The following TENM3 variants were observed in gnomAD, a reference collection of about 807,000 sequenced individuals.
TENM3 encodes the protein teneurin transmembrane protein 3.
TENM3 carries 63 observed loss-of-function variants against 255.1 expected under a neutral mutation model. The observed-to-expected ratio is 0.25, with a 90% CI of 0.20 to 0.30. The LOEUF is 0.30. Ranked by LOEUF, TENM3 falls within the 10% of genes least tolerant of loss-of-function variation. The pLI, the probability that TENM3 is intolerant of heterozygous loss-of-function variation, is 1.00. For missense variants in TENM3, 2,929 were observed against 3,461.1 expected (o/e 0.85, Z 3.86); for synonymous variants, 1,306 against 1,322.3 (o/e 0.99, Z 0.27).
chr4:182,126,266 T>C, the TENM3 span, among the ~76,000 whole-genome samples: 85 of 152,060 alleles, frequency 5.6e-4, no homozygotes, highest in African/African-American at 2.0e-3. Context: ...TGCCCCAAAG[T>C]CAATCGTAGA....
At chr4:182,158,756 T>G (rs866215523) in intron 1 of TENM3, among the ~76,000 whole-genome samples, 6 of 152,096 alleles carry the variant, frequency 3.9e-5, no homozygotes, top group African/African-American at 9.7e-5. Context: ...TTAATACACC[T>G]ATTGTTTGGA....
At chr4:182,720,819 G>A (rs1449598192) in intron 13 of TENM3, among the ~76,000 whole-genome samples, 7 of 143,368 alleles carry the variant, frequency 4.9e-5, no homozygotes, top group Non-Finnish European at 1.1e-4. Context: ...CCAGGCTGGA[G>A]TGCAATAGCA....
upstream of TENM3, among the ~76,000 whole-genome samples, chr4:182,243,032 G>C (rs180920071): frequency 6.6e-6 from 1 of 152,224 alleles, no homozygotes; most frequent in Non-Finnish European, 1.5e-5. Context: ...CGACTATGTG[G>C]TAGAGAGGCT....
chr4:182,420,850 A>G (rs916210378), intron 3 of TENM3, among the ~76,000 whole-genome samples: 2 of 152,218 alleles, frequency 1.3e-5, no homozygotes, highest in East Asian at 3.8e-4. Flanking sequence ...CACTCAGAAG[A>G]CATATCTCCA....
chr4:182,648,875 T>G (rs1401575501), intron 5 of TENM3, among the ~76,000 whole-genome samples: 1 of 152,190 alleles, frequency 6.6e-6, no homozygotes, highest in Non-Finnish European at 1.5e-5. Flanking sequence ...GCTTGTGAGA[T>G]TCATCTATAT....
At position 182,641,672 on chromosome 4, in the gene TENM3, T is replaced by C. The variant is rs1395778151; in HGVS notation, c.989-12099T>C. Reference sequence around the variant, plus strand: ...CCTCCCGAGTAGCTGGGATTACAAGTGTGCTCCACACGCCTGGCTAATTTT... The same window carrying C: ...CCTCCCGAGTAGCTGGGATTACAAGCGTGCTCCACACGCCTGGCTAATTTT... On this transcript the variant is annotated intron_variant, in intron 5 of 27. Transcript: ENST00000511685. 2.6e-5 allele frequency among the ~76,000 whole-genome samples: 4 copies of C among 152,200 alleles called. No individual in the cohort carries two copies. The East Asian group carries it at 7.8e-4, about 30-fold the overall frequency.
the TENM3 span, among the ~76,000 whole-genome samples, chr4:181,979,130 A>G: frequency 2.8e-5 from 3 of 106,700 alleles, no homozygotes; most frequent in East Asian, 9.2e-4. Context: ...ATATATATAT[A>G]TATATATATA....
chr4:182,792,138 G>T lies in TENM3; in HGVS notation c.5602-136G>T. On this transcript the variant is annotated intron_variant, in intron 25 of 27. Coordinates refer to ENST00000511685, the MANE Select transcript of TENM3 (RefSeq NM_001080477.4). This position sits in a 1 kb window ranked among gnomAD's most constrained non-coding sequence, Gnocchi z 6.3. ...TTAGGCAGAGAAACGTTAACAACAC[G>T]CAAGGTCAAGGATAACTCAATTAAA... 1.2e-6 allele frequency: 1 copy of T among 849,814 alleles called. No homozygotes were observed. The highest frequency in any genetic ancestry group is 1.8e-6 in the Non-Finnish European group (1 of 551,056). The allele number at this position is 849,814 out of a possible 1,614,324, so 52.6% of individuals were successfully genotyped here. A position where few individuals can be genotyped will look rare whatever the true frequency, so the allele number is the denominator to read the frequency against.
chr4:182,323,420 TAAAA>T (rs11313091), intron 1 of TENM3, among the ~76,000 whole-genome samples: 37 of 130,340 alleles, frequency 2.8e-4, no homozygotes, highest in African/African-American at 9.9e-4. Context: ...TAAGATATAT[TAAAA>T]AAAAAAAAAA....
intron 1 of TENM3, among the ~76,000 whole-genome samples, chr4:182,321,698 C>T (rs1162996403): frequency 1.3e-5 from 2 of 151,860 alleles, no homozygotes; most frequent in East Asian, 3.9e-4. Flanking sequence ...GTAATCCCAG[C>T]ACTTTGGGAG....
chr4:182,377,552 G>A (rs1390756201), intron 3 of TENM3, among the ~76,000 whole-genome samples: 3 of 152,102 alleles, frequency 2.0e-5, no homozygotes, highest in Non-Finnish European at 4.4e-5. Flanking sequence ...GACCTCAGGT[G>A]ATCCACCCGC....
the TENM3 span, among the ~76,000 whole-genome samples, chr4:181,977,782 T>C: frequency 6.6e-6 from 1 of 152,124 alleles, no homozygotes; most frequent in African/African-American, 2.4e-5. Context: ...GACCAATCTT[T>C]TTCCTGTGGA....
rs571716066 is a variant in TENM3 at position 182,145,835 on chromosome 4, T to C, written c.-76+1081T>C. Among the ~76,000 whole-genome samples, 10 of 152,356 alleles carry C rather than the reference T, an allele frequency of 6.6e-5. No individual in the cohort carries two copies. In the East Asian group the frequency reaches 1.9e-3, roughly 29 times the overall value. On this transcript the variant is annotated intron_variant, in intron 1 of 2. Coordinates refer to the TENM3 transcript ENST00000512480. ...ATTTCTTATCTTCTGACAATGTATT[T>C]TGTCAAACATTGGTAGACTCTGGCA... is the stretch of plus-strand genomic sequence containing the variant.
chr4:181,799,280 C>A, the TENM3 span, among the ~76,000 whole-genome samples: 1 of 152,168 alleles, frequency 6.6e-6, no homozygotes, highest in Non-Finnish European at 1.5e-5. Flanking sequence ...ATACATGTTG[C>A]CATTTTCAGC....
chr4:182,121,581 A>G, the TENM3 span, among the ~76,000 whole-genome samples: 1 of 152,214 alleles, frequency 6.6e-6, no homozygotes. Flanking sequence ...AGTGCATATA[A>G]AAGTTATGTT....
the TENM3 span, among the ~76,000 whole-genome samples, chr4:181,617,941 G>T: frequency 1.3e-5 from 2 of 152,206 alleles, no homozygotes; most frequent in Non-Finnish European, 2.9e-5. Context: ...AATGCCAGCA[G>T]CCACAAGCTG....
At chr4:182,042,361 A>T in the TENM3 span, among the ~76,000 whole-genome samples, 1 of 152,174 alleles carries the variant, frequency 6.6e-6, no homozygotes, top group African/African-American at 2.4e-5. Flanking sequence ...TAAAATGGAA[A>T]GTGTCTTCTA....
At chr4:182,639,919 G>A (rs563424702) in intron 5 of TENM3, among the ~76,000 whole-genome samples, 10 of 151,776 alleles carry the variant, frequency 6.6e-5, no homozygotes, top group South Asian at 2.1e-4. Context: ...GTGAAACCCC[G>A]TCTCTGCTAA....
intron 3 of TENM3, among the ~76,000 whole-genome samples, chr4:182,409,370 T>C (rs1011102374): frequency 1.3e-5 from 2 of 152,216 alleles, no homozygotes; most frequent in Admixed American, 1.3e-4. Context: ...CTTTTCCAGT[T>C]TGACTTACAA....
Sources: gnomAD v4.1 joint callset for allele counts (sites outside exome capture counted in the v4.1 genomes callset) on GRCh38, gnomAD v4.1.1 for gene constraint, Gnocchi (gnomAD v3.1) non-coding constraint, MANE v1.5 for transcripts, NCBI Gene and HGNC (gene_info 2026-07-23, HGNC 2026-07-21) for gene names.